The following CPVL variants were observed in gnomAD, a reference collection of about 807,000 sequenced individuals.
The protein encoded by CPVL is carboxypeptidase vitellogenic like.
CPVL carries 51 observed loss-of-function variants against 63.7 expected under a neutral mutation model. The observed-to-expected ratio is 0.80, with a 90% CI of 0.64 to 1.01. The LOEUF (loss-of-function observed/expected upper bound fraction) is 1.01, where lower values mean the gene tolerates loss of function less well. CPVL is among the 50% of genes least tolerant of loss of function. The pLI, the probability that CPVL is intolerant of heterozygous loss-of-function variation, is 0.00. For missense variants in CPVL, 530 were observed against 573.1 expected (o/e 0.92, Z 0.77); for synonymous variants, 195 against 206.0 (o/e 0.95, Z 0.46).
chr7:29,088,219 CTTAGTA>C (rs1208384945), intron 6 of CPVL, among the ~76,000 whole-genome samples: 1 of 152,126 alleles, frequency 6.6e-6, no homozygotes, highest in East Asian at 1.9e-4. Context: ...CAAATAATGG[CTTAGTA>C]TAAGTATGTC....
At chr7:29,189,522 T>G (rs1166203656) in intron 1 of CPVL, among the ~76,000 whole-genome samples, 2 of 152,178 alleles carry the variant, frequency 1.3e-5, no homozygotes, top group Admixed American at 6.5e-5. Flanking sequence ...TTATCCTAGA[T>G]TTCTCTTAGG....
At chr7:29,111,453 G>A (rs1788219112) in intron 3 of CPVL, among the ~76,000 whole-genome samples, 1 of 152,168 alleles carries the variant, frequency 6.6e-6, no homozygotes, top group African/African-American at 2.4e-5. Context: ...TGACCCTCAG[G>A]GTGAGTGTCT....
chr7:29,015,171 C>T (rs947952035), intron 12 of CPVL, among the ~76,000 whole-genome samples: 1 of 152,222 alleles, frequency 6.6e-6, no homozygotes, highest in Admixed American at 6.5e-5. Context: ...CCATCCTCCT[C>T]CTTTTAAGAA....
intron 12 of CPVL, among the ~76,000 whole-genome samples, chr7:29,013,619 C>T (rs747133566): frequency 4.2e-4 from 64 of 152,200 alleles, no homozygotes; most frequent in African/African-American, 6.5e-4. Flanking sequence ...CACCAGCTCC[C>T]GCTGCTCCCA....
intron 1 of CPVL, chr7:29,194,759 C>T (rs1783412497): frequency 8.7e-6 from 4 of 460,172 alleles, no homozygotes; most frequent in South Asian, 5.9e-5. Flanking sequence ...ATAGCGGCGG[C>T]GGCAGCGCGT....
At chr7:29,145,218 T>C (rs1792369816) in intron 1 of CPVL, among the ~76,000 whole-genome samples, 3 of 151,954 alleles carry the variant, frequency 2.0e-5, no homozygotes, top group Admixed American at 6.6e-5. Flanking sequence ...GTATTCTCAA[T>C]GGACTTTTTA....
chr7:29,183,774 G>A (rs1298822774), intron 4 of CPVL, among the ~76,000 whole-genome samples: 1 of 152,176 alleles, frequency 6.6e-6, no homozygotes, highest in Non-Finnish European at 1.5e-5. Flanking sequence ...TATGATATAT[G>A]TAGATTAGAT....
intron 5 of CPVL, among the ~76,000 whole-genome samples, chr7:29,153,458 C>T (rs1013703060): frequency 2.6e-5 from 4 of 152,218 alleles, no homozygotes; most frequent in African/African-American, 9.6e-5. Context: ...ACCAACCCCT[C>T]TTCTTCCTTC....
chr7:29,194,928 AG>A, intron 1 of CPVL: 1 of 1,559,714 alleles, frequency 6.4e-7, no homozygotes. Context: ...CAGCGACGCG[AG>A]GGGCGCGCGG....
At chr7:29,019,174 T>C (rs1786711383) in intron 12 of CPVL, among the ~76,000 whole-genome samples, 1 of 152,170 alleles carries the variant, frequency 6.6e-6, no homozygotes, top group Admixed American at 6.5e-5. Flanking sequence ...TAATGAAATA[T>C]AGATATTTTG....
intron 11 of CPVL, among the ~76,000 whole-genome samples, chr7:29,037,317 G>C (rs1788625542): frequency 6.6e-6 from 1 of 151,910 alleles, no homozygotes; most frequent in African/African-American, 2.4e-5. Context: ...GGCCGAGGTG[G>C]GCGGATCACA....
At chr7:29,093,589 C>A (rs62442659) in intron 5 of CPVL, among the ~76,000 whole-genome samples, 5,188 of 152,130 alleles carry the variant, frequency 0.034, 130 homozygotes, top group East Asian at 0.13. Flanking sequence ...TTATTAGAAC[C>A]TAGAAGTTCA....
intron 3 of CPVL, among the ~76,000 whole-genome samples, chr7:29,102,012 C>T (rs1274271632): frequency 5.3e-5 from 8 of 152,192 alleles, no homozygotes; most frequent in Non-Finnish European, 1.2e-4. Context: ...ACATACAACG[C>T]CAACTACTCA....
chr7:29,186,336 A>G (rs1798706810), intron 2 of CPVL: 1 of 152,212 alleles, frequency 6.6e-6, no homozygotes, highest in Admixed American at 6.5e-5. Context: ...CTGTACCAGC[A>G]CTTTGGGAGG....
chr7:29,068,304 C>T (rs1179846403), intron 9 of CPVL, among the ~76,000 whole-genome samples: 1 of 151,996 alleles, frequency 6.6e-6, no homozygotes, highest in Non-Finnish European at 1.5e-5. Flanking sequence ...TGTAAGCCAC[C>T]GCCCCCGGCC....
intron 1 of CPVL, among the ~76,000 whole-genome samples, chr7:29,190,399 C>G (rs988358669): frequency 6.6e-6 from 1 of 152,152 alleles, no homozygotes; most frequent in African/African-American, 2.4e-5. Context: ...AAGGGAATGA[C>G]CTTCACTAAA....
At chr7:29,041,290 T>A (rs1193090182) in intron 11 of CPVL, among the ~76,000 whole-genome samples, 1 of 152,104 alleles carries the variant, frequency 6.6e-6, no homozygotes, top group Non-Finnish European at 1.5e-5. Context: ...TTTCCCAGGC[T>A]GGTCTTGAAC....
chr7:29,143,390 G>C (rs998245791), intron 1 of CPVL, among the ~76,000 whole-genome samples: 5 of 152,018 alleles, frequency 3.3e-5, no homozygotes, highest in Non-Finnish European at 7.4e-5. Flanking sequence ...ATAGAATCTA[G>C]GTAGATTCTA....
intron 12 of CPVL, among the ~76,000 whole-genome samples, chr7:29,016,177 C>G (rs987296233): frequency 1.3e-5 from 2 of 151,948 alleles, no homozygotes; most frequent in Admixed American, 6.6e-5. Context: ...ATGGTGAAAC[C>G]CTGTCTCTAC....
Sources: allele counts gnomAD v4.1 joint callset (sites outside exome capture counted in the v4.1 genomes callset), GRCh38; gene constraint gnomAD v4.1.1; transcripts MANE v1.5; gene names NCBI Gene and HGNC (gene_info 2026-07-23, HGNC 2026-07-21).